The following SMIM31 variants were observed in gnomAD, a reference collection of about 807,000 sequenced individuals.
SMIM31 encodes human epithelial cell program regulator.
At chr4:164,755,991 A>C (rs571123249) in intron 1 of SMIM31, among the ~76,000 whole-genome samples, 1 of 152,262 alleles carries the variant, frequency 6.6e-6, no homozygotes, top group African/African-American at 2.4e-5. Flanking sequence ...CCACTGATTC[A>C]CCTTCTTTAT....
chr4:164,761,412 T>A (rs1183390853), intron 1 of SMIM31, among the ~76,000 whole-genome samples: 4 of 152,210 alleles, frequency 2.6e-5, no homozygotes, highest in Non-Finnish European at 5.9e-5. Flanking sequence ...GCGAGGTAGT[T>A]ACAGTTTCTG....
chr4:164,801,212 T>C lies in SMIM31; in HGVS notation c.*18T>C, dbSNP rs2110970376. On this transcript the variant is annotated 3_prime_UTR_variant, in exon 3 of 3. Transcript: ENST00000507311. ...AGCTATGATCTCATAGCCACCGATA[T>C]TTCTCGCTAAGAAGACAGAGGAAGC... is the stretch of plus-strand genomic sequence containing the variant. 2.5e-6 allele frequency: 1 copy of C among 398,904 alleles called. No homozygotes were observed. The highest frequency in any genetic ancestry group is 6.3e-4 in the Middle Eastern group (1 of 1,584). The allele number at this position is 398,904 out of a possible 1,614,324, so 24.7% of individuals were successfully genotyped here.
At chr4:164,770,623 C>T in intron 2 of SMIM31, 68 bp downstream of exon 2, 1 of 398,150 alleles carries the variant, frequency 2.5e-6, no homozygotes, top group Non-Finnish European at 4.4e-6. Flanking sequence ...TATCATCTTG[C>T]CATGTGTTGG....
At chr4:164,767,830 T>C (rs1484654935) in intron 1 of SMIM31, among the ~76,000 whole-genome samples, 2 of 152,198 alleles carry the variant, frequency 1.3e-5, no homozygotes, top group African/African-American at 4.8e-5. Flanking sequence ...ACAATATCTA[T>C]TATCCCACTA....
At chr4:164,778,069 A>T (rs1415182577) in intron 2 of SMIM31, among the ~76,000 whole-genome samples, 1 of 152,046 alleles carries the variant, frequency 6.6e-6, no homozygotes, top group Non-Finnish European at 1.5e-5. Flanking sequence ...GTTTTTTCAA[A>T]GCTGGCCTCA....
chr4:164,796,992 A>G (rs1560833221), intron 2 of SMIM31, among the ~76,000 whole-genome samples: 1 of 152,092 alleles, frequency 6.6e-6, no homozygotes, highest in Non-Finnish European at 1.5e-5. Context: ...CCTTGACTAC[A>G]CTGTTCTTCC....
intron 2 of SMIM31, among the ~76,000 whole-genome samples, chr4:164,795,576 A>G (rs1415913960): frequency 6.6e-6 from 1 of 151,402 alleles, no homozygotes; most frequent in East Asian, 1.9e-4. Context: ...AAAAAAAAAA[A>G]AAAAAAAAGA....
chr4:164,762,673 AAAAAAAAAAAG>A (rs1401755772), intron 1 of SMIM31, among the ~76,000 whole-genome samples: 5 of 150,918 alleles, frequency 3.3e-5, no homozygotes, highest in South Asian at 2.1e-4. Context: ...AAAAAAAAAA[AAAAAAAAAAAG>A]AAAAAGAAAA....
Position 164,782,089 on chromosome 4 carries a change from G to A in SMIM31, c.112+11534G>A, listed in dbSNP as rs564584756. Among the ~76,000 whole-genome samples, 5 of 152,074 alleles carry A rather than the reference G, an allele frequency of 3.3e-5. No individual in the cohort carries two copies. The East Asian group carries it at 9.8e-4, about 30-fold the overall frequency. ...GTGGATCACCTGAGGTCGGGAGTTC[G>A]AGACCAGCCTGACCAAAATGGAGAA... On this transcript the variant is annotated intron_variant, in intron 2 of 2. Coordinates refer to ENST00000507311, the MANE Select transcript of SMIM31 (RefSeq NM_001352885.1).
chr4:164,775,425 C>CTAAA (rs1317773945), intron 2 of SMIM31, among the ~76,000 whole-genome samples: 1 of 152,196 alleles, frequency 6.6e-6, no homozygotes. Context: ...ATAGATAGAG[C>CTAAA]TAAACATTTG....
At chr4:164,758,630 G>GTTTTTTTTTT (rs1210607914) in intron 1 of SMIM31, among the ~76,000 whole-genome samples, 4 of 96,640 alleles carry the variant, frequency 4.1e-5, no homozygotes, top group Non-Finnish European at 5.7e-5. Flanking sequence ...TCCTTTTTTT[G>GTTTTTTTTTT]TTTTTTTTTT....
intron 2 of SMIM31, among the ~76,000 whole-genome samples, chr4:164,789,017 A>G (rs181626650): frequency 6.6e-6 from 1 of 152,010 alleles, no homozygotes; most frequent in African/African-American, 2.4e-5. Context: ...AAAAGCAATA[A>G]AAACAAGATA....
At chr4:164,779,442 A>C (rs1732919230) in intron 2 of SMIM31, among the ~76,000 whole-genome samples, 1 of 152,214 alleles carries the variant, frequency 6.6e-6, no homozygotes, top group Non-Finnish European at 1.5e-5. Context: ...TTAGCAAAAG[A>C]CCAAACTGAG....
rs191299364 is a variant in SMIM31 at position 164,769,882 on chromosome 4, T to C, written c.-25-537T>C. ...GTTAGTCGAGTGTCAGTATAGTATA[T>C]TGATTAAGAGTGAGGATTCTATAAC... On this transcript the variant is annotated intron_variant, in intron 1 of 2. Coordinates refer to ENST00000507311, the MANE Select transcript of SMIM31 (RefSeq NM_001352885.1). Among the ~76,000 whole-genome samples, 429 of 152,246 alleles carry C rather than the reference T, an allele frequency of 2.8e-3. 2 individuals are homozygous for C. The highest frequency in any genetic ancestry group is 3.7e-3 in the Non-Finnish European group (255 of 68,012).
intron 2 of SMIM31, among the ~76,000 whole-genome samples, chr4:164,781,877 T>A (rs73875014): frequency 0.078 from 11,852 of 152,208 alleles, 1,287 homozygotes; most frequent in African/African-American, 0.24. Context: ...AGGAAGAAGA[T>A]TTGACTACAA....
At chr4:164,789,505 C>G (rs566376078) in intron 2 of SMIM31, among the ~76,000 whole-genome samples, 2 of 152,138 alleles carry the variant, frequency 1.3e-5, no homozygotes, top group Non-Finnish European at 2.9e-5. Context: ...TATTTGTCCA[C>G]TCTAAGAGAA....
intron 1 of SMIM31, among the ~76,000 whole-genome samples, chr4:164,755,595 G>T (rs1315038746): frequency 5.7e-5 from 7 of 122,960 alleles, no homozygotes; most frequent in Non-Finnish European, 9.9e-5. Context: ...GAAATCTGTG[G>T]CCAGCATTGT....
chr4:164,772,630 G>C (rs998336289), intron 2 of SMIM31, among the ~76,000 whole-genome samples: 34 of 148,676 alleles, frequency 2.3e-4, no homozygotes, highest in Non-Finnish European at 3.0e-4. Flanking sequence ...CCAGGCTGGA[G>C]TGCAGTGGCG....
At chr4:164,790,943 T>C (rs13114020) in intron 2 of SMIM31, among the ~76,000 whole-genome samples, 26,042 of 152,252 alleles carry the variant, frequency 0.17, 2,515 homozygotes, top group South Asian at 0.24. Context: ...ATTCCAGCAT[T>C]GTCAGCTAAT....
Sources: allele counts gnomAD v4.1 joint callset (sites outside exome capture counted in the v4.1 genomes callset), GRCh38; gene constraint gnomAD v4.1.1; transcripts MANE v1.5; gene names NCBI Gene and HGNC (gene_info 2026-07-23, HGNC 2026-07-21).